The following PSG9 variants were observed in gnomAD, a reference collection of about 807,000 sequenced individuals.
The protein encoded by PSG9 is pregnancy specific beta-1-glycoprotein 9.
In PSG9, 49 loss-of-function variants were observed where a neutral mutation model predicts 41.9. That is an observed-to-expected ratio of 1.17 (90% CI 0.93 to 1.48). PSG9 has a LOEUF of 1.48. Ranked by LOEUF, PSG9 falls within the 40% of genes most tolerant of loss-of-function variation. The probability of loss-of-function intolerance (pLI) is 0.00; values close to 1 mark genes in which losing one functional copy is unlikely to be tolerated. For missense variants in PSG9, 641 were observed against 520.3 expected (o/e 1.23, Z -2.26); for synonymous variants, 263 against 196.8 (o/e 1.34, Z -2.82).
At chr19:43,266,897 A>T (rs1292984542) in intron 2 of PSG9, among the ~76,000 whole-genome samples, 3 of 152,092 alleles carry the variant, frequency 2.0e-5, no homozygotes, top group Non-Finnish European at 4.4e-5. Context: ...AATAAACTAA[A>T]TGGCAAATGG....
At chr19:43,269,098 G>A (rs992294732) in intron 1 of PSG9, among the ~76,000 whole-genome samples, 11 of 151,888 alleles carry the variant, frequency 7.2e-5, no homozygotes, top group African/African-American at 1.4e-4. Flanking sequence ...TCTGCCTCCC[G>A]GGTTCACATG....
intron 5 of PSG9, chr19:43,257,575 C>T: frequency 2.0e-6 from 2 of 983,706 alleles, no homozygotes; most frequent in Non-Finnish European, 2.4e-6. Context: ...TCTTATTTCC[C>T]TGCAGCCTGG....
intron 5 of PSG9, among the ~76,000 whole-genome samples, chr19:43,255,890 G>A (rs1348203644): frequency 6.8e-6 from 1 of 146,526 alleles, no homozygotes; most frequent in African/African-American, 2.6e-5. Context: ...TTGTTTTCAT[G>A]AATTGGAAGA....
chr19:43,268,608 G>A (rs939697587), intron 1 of PSG9, among the ~76,000 whole-genome samples: 1 of 152,140 alleles, frequency 6.6e-6, no homozygotes, highest in South Asian at 2.1e-4. Context: ...TCGCATGTCT[G>A]TCTTCCTCCC....
Position 43,268,046 on chromosome 19 carries a change from G to T in PSG9, c.168C>A (p.His56Gln). 2 of 1,613,880 alleles carry T rather than the reference G, an allele frequency of 1.2e-6. No homozygotes were observed. The highest frequency in any genetic ancestry group is 1.7e-6 in the Non-Finnish European group (2 of 1,179,900). The change falls in exon 2 of 6, where the codon CAC (histidine) becomes CAA (glutamine). Residue 56 changes from histidine (H) to glutamine (Q), a missense_variant. Transcript: ENST00000270077. ...SEGKDVLLLV[H>Q]NLPQNLPGYF... ...AGCCAGGAAGATTCTGGGGCAAATTGTGGACAAGTAGAAGAACATCCTTCC... is the reference window on the plus strand; with the variant it reads ...AGCCAGGAAGATTCTGGGGCAAATTTTGGACAAGTAGAAGAACATCCTTCC...
chr19:43,268,628 G>A (rs934239504), intron 1 of PSG9, among the ~76,000 whole-genome samples: 5 of 152,122 alleles, frequency 3.3e-5, no homozygotes, highest in African/African-American at 4.8e-5. Context: ...CCATGACAGC[G>A]TGAGCTCCGT....
Position 43,262,038 on chromosome 19 carries a change from G to T in PSG9, c.531C>A (p.Ser177Arg), listed in dbSNP as rs1463463157. The change falls in exon 3 of 6, where the codon AGC (serine) becomes AGA (arginine). Residue 177 changes from serine to arginine, a missense_variant. Transcript: ENST00000270077. ...TCTGACCATTCATCCACCATAGGTAGCTTGCGTCCAGAGTCTCAGGATCAC... is the reference window on the plus strand; with the variant it reads ...TCTGACCATTCATCCACCATAGGTATCTTGCGTCCAGAGTCTCAGGATCAC... The part of the protein sequence containing the change: ...LICDPETLDA[S>R]YLWWMNGQSL... 1 of 1,614,026 alleles carries T rather than the reference G, an allele frequency of 6.2e-7. No individual in the cohort carries two copies. Among genetic ancestry groups the T allele is most frequent in the African/African-American group, 1.3e-5 (1 of 75,036 alleles).
intron 3 of PSG9, among the ~76,000 whole-genome samples, chr19:43,261,186 G>A (rs1178517744): frequency 1.3e-5 from 2 of 152,122 alleles, no homozygotes; most frequent in African/African-American, 2.4e-5. Context: ...CATAGTGCCA[G>A]TGCTCCAGGG....
rs764914188 is a variant in PSG9 at position 43,267,963 on chromosome 19, A to T, written c.251T>A (p.Val84Asp). 4 of 1,613,452 alleles carry T rather than the reference A, an allele frequency of 2.5e-6. No homozygotes were observed. The South Asian group carries it at 4.4e-5, about 18-fold the overall frequency. The change falls in exon 2 of 6, where the codon GTT (valine) becomes GAT (aspartate). Residue 84 changes from valine (V) to aspartate (D), a missense_variant. By Grantham distance (152) the Val-to-Asp change is radical (BLOSUM62 -3). Transcript: ENST00000270077. Reference protein sequence around the residue: ...DLYHYIISYIVDGKIIIYGPA... With the variant: ...DLYHYIISYIDDGKIIIYGPA... Reference sequence around the variant, plus strand: ...CCCATATATAATTATTTTACCATCAACTATATACGATATAATGTAATGGTA... The same window carrying T: ...CCCATATATAATTATTTTACCATCATCTATATACGATATAATGTAATGGTA...
At chr19:43,254,278 C>A (rs1194067608) in intron 5 of PSG9, among the ~76,000 whole-genome samples, 1 of 146,166 alleles carries the variant, frequency 6.8e-6, no homozygotes, top group Non-Finnish European at 1.5e-5. Flanking sequence ...AAAAACTTTC[C>A]TGGTGTCATA....
chr19:43,267,395 G>A (rs539992714), intron 2 of PSG9, among the ~76,000 whole-genome samples: 5 of 152,100 alleles, frequency 3.3e-5, no homozygotes, highest in East Asian at 1.9e-4. Flanking sequence ...GGGGTCTGGG[G>A]TTGAGGCTTC....
rs1229275748 is a variant in PSG9, at chr19:43,253,344, C to T, written c.*265G>A. ...CTATGAATACTCATGAATAGTTTCA[C>T]AATTCTGGGGCATTCAGATAGACAG... is the stretch of plus-strand genomic sequence containing the variant. On this transcript the variant is annotated 3_prime_UTR_variant, in exon 6 of 6. Coordinates refer to ENST00000270077, the MANE Select transcript of PSG9 (RefSeq NM_002784.5). The T allele has an allele frequency of 9.7e-6, 3 of 307,738 alleles. 1 individual carries two copies. The highest frequency in any genetic ancestry group is 7.1e-5 in the African/African-American group (3 of 42,068). 19.1% of individuals were successfully genotyped at this position (307,738 alleles called of 1,614,324 possible).
rs781628912 is a variant in PSG9 at position 43,262,155 on chromosome 19, G to A, written c.431-17C>T. 1 of 1,607,952 alleles carries A rather than the reference G, an allele frequency of 6.2e-7. No homozygotes were observed. The highest frequency in any genetic ancestry group is 1.1e-5 in the South Asian group (1 of 90,602). ...GAGTCTCCACTGTGCAGAAAACAGA[G>A]AGAAGATTGCCCTGTGTGGCACCTT... On this transcript the variant is annotated splice_polypyrimidine_tract_variant and intron_variant, in intron 2 of 5. Transcript: ENST00000270077.
intron 5 of PSG9, chr19:43,257,923 G>T (rs547582901): frequency 7.1e-7 from 1 of 1,416,144 alleles, no homozygotes; most frequent in Non-Finnish European, 9.2e-7. Context: ...TCTCCTTCTT[G>T]TCCCTCTCTG....
rs1034717317 is a variant in PSG9, at chr19:43,258,051, G to C, written c.1243+151C>G. The C allele has an allele frequency of 1.1e-5, 17 of 1,581,314 alleles. No homozygotes were observed. The African/African-American group carries it at 2.1e-4, about 20-fold the overall frequency. Reference sequence around the variant, plus strand: ...AAACAAGGAGAAGAGAGTCTGTAGAGACAAATTGGGAGGGTTCAGGAGGAG... The same window carrying C: ...AAACAAGGAGAAGAGAGTCTGTAGACACAAATTGGGAGGGTTCAGGAGGAG... On this transcript the variant is annotated intron_variant, in intron 5 of 5. Transcript: ENST00000270077.
chr19:43,266,860 T>C (rs1968993837), intron 2 of PSG9, among the ~76,000 whole-genome samples: 1 of 152,162 alleles, frequency 6.6e-6, no homozygotes, highest in African/African-American at 2.4e-5. Flanking sequence ...GACTGCACCT[T>C]CCTGTGCCTC....
rs777100235 is a variant in PSG9, at chr19:43,269,319, G to A, written c.64+49C>T. The A allele has an allele frequency of 2.7e-5, 44 of 1,612,286 alleles. No individual in the cohort carries two copies. The South Asian group carries it at 4.0e-4, about 14-fold the overall frequency. On this transcript the variant is annotated intron_variant, in intron 1 of 5. Transcript: ENST00000270077. ...CATCCTCTCCAGGAGACCCCATCCA[G>A]TCACTCCGCTTCCTCCCCCTGTCCT...
At chr19:43,261,833 G>A in intron 3 of PSG9, 27 bp downstream of exon 3, 1 of 1,614,068 alleles carries the variant, frequency 6.2e-7, no homozygotes, top group South Asian at 1.1e-5. Context: ...TGGCAGCCTG[G>A]CTCACAGAGG....
chr19:43,257,331 T>C lies in PSG9; in HGVS notation c.1243+871A>G, dbSNP rs542847159. On this transcript the variant is annotated intron_variant, in intron 5 of 5. Transcript: ENST00000270077. ...TAGAAATAGTTAATGGTAAGTCTTA[T>C]ATTAGATATATATAAAGTGTCTGGT... 9.8e-5 allele frequency: 90 copies of C among 920,626 alleles called. 4 individuals carry two copies. The Admixed American group carries it at 1.7e-3, about 18-fold the overall frequency. The allele number at this position is 920,626 out of a possible 1,614,324, so 57.0% of individuals were successfully genotyped here.
Sources: gnomAD v4.1 joint callset for allele counts (sites outside exome capture counted in the v4.1 genomes callset) on GRCh38, gnomAD v4.1.1 for gene constraint, MANE v1.5 for transcripts, NCBI Gene and HGNC (gene_info 2026-07-23, HGNC 2026-07-21) for gene names.